RYR3: variants seen among roughly 807,000 people sequenced by gnomAD.
RYR3 encodes the protein ryanodine receptor 3.
RYR3 carries 207 observed loss-of-function variants against 584.3 expected under a neutral mutation model. The ratio of observed to expected loss-of-function variants is 0.35; its 90% CI spans 0.32 to 0.40. The LOEUF (loss-of-function observed/expected upper bound fraction) is 0.40. Among genes scored for constraint, RYR3 ranks in the 10% least tolerant of loss-of-function variants. The probability of loss-of-function intolerance (pLI) is 1.00; values close to 1 mark genes in which losing one functional copy is unlikely to be tolerated. For missense variants in RYR3, 5,616 were observed against 6,089.2 expected (o/e 0.92, Z 2.59); for synonymous variants, 2,416 against 2,248.5 (o/e 1.07, Z -2.11).
chr15:33,675,133 G>A (rs1298025548), intron 38 of RYR3, among the ~76,000 whole-genome samples: 1 of 152,152 alleles, frequency 6.6e-6, no homozygotes, highest in African/African-American at 2.4e-5. Context: ...GGCTTAGAGT[G>A]TTACTCTTTG....
At chr15:33,450,950 A>T (rs1215070346) in intron 1 of RYR3, among the ~76,000 whole-genome samples, 1 of 152,030 alleles carries the variant, frequency 6.6e-6, no homozygotes, top group Non-Finnish European at 1.5e-5. Context: ...TCACTGAGGG[A>T]AGCAGAATGG....
At chr15:33,707,146 A>G (rs1216924596) in intron 43 of RYR3, 92 bp downstream of exon 43, 18 of 1,439,180 alleles carry the variant, frequency 1.3e-5, no homozygotes, top group Non-Finnish European at 1.7e-5. Context: ...ATTGCTTCTT[A>G]TCTGAAAATA....
chr15:33,382,763 C>T (rs1352169369), intron 1 of RYR3, among the ~76,000 whole-genome samples: 4 of 152,030 alleles, frequency 2.6e-5, no homozygotes, highest in Non-Finnish European at 4.4e-5. Context: ...GTTAATATAA[C>T]ACATATATAT....
In RYR3 at chr15:33,409,355, A is replaced by AG. The variant is rs2043239381; in HGVS notation, c.52-64064_52-64063insG. ...TTGAGTTTCAAAAAATCTAAAAAAA[A>AG]AAAAAAGAAAAAAGGCCTTCTTGTT... On this transcript the variant is annotated intron_variant, in intron 1 of 103. Coordinates refer to ENST00000634891, the MANE Select transcript of RYR3 (RefSeq NM_001036.6). 1.3e-5 allele frequency among the ~76,000 whole-genome samples: 2 copies of AG among 151,542 alleles called. 1 individual carries two copies. Among genetic ancestry groups the AG allele is most frequent in the South Asian group, 4.2e-4 (2 of 4,798 alleles).
chr15:33,368,536 G>A (rs1042462400), intron 1 of RYR3, among the ~76,000 whole-genome samples: 1 of 151,980 alleles, frequency 6.6e-6, no homozygotes, highest in Non-Finnish European at 1.5e-5. Flanking sequence ...GGCTGTTGAA[G>A]CTGAGATTTC....
intron 100 of RYR3, 120 bp downstream of exon 100, chr15:33,859,851 G>GTT: frequency 1.8e-6 from 2 of 1,128,068 alleles, no homozygotes; most frequent in East Asian, 2.6e-5. Context: ...TGTTAATTTA[G>GTT]CAAGAACTAA....
At chr15:33,549,167 T>A (rs2056480843) in intron 9 of RYR3, among the ~76,000 whole-genome samples, 1 of 152,136 alleles carries the variant, frequency 6.6e-6, no homozygotes, top group African/African-American at 2.4e-5. Flanking sequence ...ATATCCTCTT[T>A]CCAAACCCAT....
chr15:33,442,364 C>T (rs1235423492), intron 1 of RYR3, among the ~76,000 whole-genome samples: 1 of 151,998 alleles, frequency 6.6e-6, no homozygotes, highest in Admixed American at 6.6e-5. Flanking sequence ...TACAATTTAC[C>T]TTTGAGCATG....
rs535259459 is a variant in RYR3 at position 33,511,260 on chromosome 15, C to T, written c.279+7522C>T. Reference sequence around the variant, plus strand: ...AGGAAAAACAAACTTTTACATTTAACGCTCTTGCAAACCTCTAAGATAACA... The same window carrying T: ...AGGAAAAACAAACTTTTACATTTAATGCTCTTGCAAACCTCTAAGATAACA... On this transcript the variant is annotated intron_variant, in intron 3 of 103. Transcript: ENST00000634891. Among the ~76,000 whole-genome samples, 14 of 149,490 alleles carry T rather than the reference C, an allele frequency of 9.4e-5. No homozygotes were observed. In the South Asian group the frequency reaches 1.5e-3, roughly 16 times the overall value.
At chr15:33,778,170 AAAATAAATAAAT>A (rs112695825) in intron 64 of RYR3, among the ~76,000 whole-genome samples, 1 of 148,302 alleles carries the variant, frequency 6.7e-6, no homozygotes, top group African/African-American at 2.5e-5. Context: ...ACTCTGTCTC[AAAATAAATAAAT>A]AAATAAATAA....
intron 11 of RYR3, among the ~76,000 whole-genome samples, 187 bp downstream of exon 11, chr15:33,563,197 A>G (rs936253221): frequency 2.0e-5 from 3 of 152,204 alleles, no homozygotes; most frequent in Non-Finnish European, 4.4e-5. Context: ...CTTTGACCCC[A>G]TGTTCAATGG....
At chr15:33,763,892 CAAAAAAAAAAAA>C (rs796878162) in intron 60 of RYR3, among the ~76,000 whole-genome samples, 1 of 45,870 alleles carries the variant, frequency 2.2e-5, no homozygotes. Flanking sequence ...GACTTCATCT[CAAAAAAAAAAAA>C]AAAAAAAAAA....
Position 33,748,002 on chromosome 15 carries a change from G to T in RYR3, c.7990-112G>T, listed in dbSNP as rs939334130. The T allele has an allele frequency of 1.0e-5, 9 of 893,398 alleles. No individual in the cohort carries two copies. In the African/African-American group the frequency reaches 1.5e-4, roughly 15 times the overall value. 55.3% of individuals were successfully genotyped at this position (893,398 alleles called of 1,614,324 possible). On this transcript the variant is annotated intron_variant, in intron 53 of 103. Transcript: ENST00000634891. ...TGTTTTGACCTTGTGAGAGAAGGCT[G>T]GTGCTAACTAGCACCCCCACCCACA...
chr15:33,443,502 A>G (rs2046389637), intron 1 of RYR3, among the ~76,000 whole-genome samples: 1 of 152,166 alleles, frequency 6.6e-6, no homozygotes, highest in African/African-American at 2.4e-5. Flanking sequence ...AATGCATTTA[A>G]AAAGAGGTTA....
At chr15:33,856,396 A>G (rs2079663232) in intron 98 of RYR3, 2 of 152,320 alleles carry the variant, frequency 1.3e-5, no homozygotes, top group East Asian at 3.9e-4. Flanking sequence ...CTAGTCCTTG[A>G]GAGAGGTCAG....
At chr15:33,583,708 G>A (rs776331578) in intron 14 of RYR3, among the ~76,000 whole-genome samples, 2 of 151,986 alleles carry the variant, frequency 1.3e-5, no homozygotes, top group Non-Finnish European at 2.9e-5. Context: ...ATCAATTGAC[G>A]CCAAGAGTTC....
chr15:33,445,714 C>CACACACACACACA (rs3223200), intron 1 of RYR3, among the ~76,000 whole-genome samples: 2 of 143,316 alleles, frequency 1.4e-5, no homozygotes, highest in East Asian at 2.1e-4. Flanking sequence ...CACACACACA[C>CACACACACACACA]GAAAGCCATT....
chr15:33,447,444 C>A (rs946282861), intron 1 of RYR3, among the ~76,000 whole-genome samples: 32 of 152,120 alleles, frequency 2.1e-4, no homozygotes, highest in Admixed American at 2.0e-4. Context: ...TTCCCCACCC[C>A]ATGCCCACTT....
At chr15:33,758,561 C>T (rs532351938) in intron 60 of RYR3, among the ~76,000 whole-genome samples, 12 of 152,306 alleles carry the variant, frequency 7.9e-5, no homozygotes, top group South Asian at 2.1e-4. Flanking sequence ...CACCACAGCA[C>T]GGCAAAGCTG....
Sources: gnomAD v4.1 joint callset for allele counts (sites outside exome capture counted in the v4.1 genomes callset) on GRCh38, gnomAD v4.1.1 for gene constraint, MANE v1.5 for transcripts, NCBI Gene and HGNC (gene_info 2026-07-23, HGNC 2026-07-21) for gene names.